The following PLA2G4B variants were observed in gnomAD, a reference collection of about 807,000 sequenced individuals.
The protein encoded by PLA2G4B is phospholipase A2 group IVB.
A neutral mutation model predicts 95.8 loss-of-function variants in PLA2G4B; 122 were observed. The observed-to-expected ratio is 1.27, with a 90% CI of 1.10 to 1.48. The LOEUF is 1.48. Among genes scored for constraint, PLA2G4B ranks in the 40% most tolerant of loss-of-function variants. The pLI is 0.00. For missense variants in PLA2G4B, 1,158 were observed against 996.2 expected, an observed-to-expected ratio of 1.16 and a Z score of -2.19; for synonymous variants, 518 against 421.5, an observed-to-expected ratio of 1.23 and a Z score of -2.80.
intron 4 of PLA2G4B, 55 bp from the exon 5 acceptor site, chr15:41,841,000 G>C: frequency 1.3e-6 from 2 of 1,572,526 alleles, no homozygotes; most frequent in Non-Finnish European, 1.7e-6. Context: ...CATACTCACT[G>C]ACATATGTGC....
At chr15:41,842,698 C>T in intron 10 of PLA2G4B, 107 bp downstream of exon 10, 5 of 1,516,022 alleles carry the variant, frequency 3.3e-6, no homozygotes, top group East Asian at 2.3e-5. Flanking sequence ...CCCTCATCCT[C>T]ATGCTCTCTG....
intron 18 of PLA2G4B, 38 bp from the exon 19 acceptor site, chr15:41,847,299 G>A (rs779642379): frequency 1.3e-6 from 2 of 1,561,856 alleles, no homozygotes; most frequent in South Asian, 1.2e-5. Context: ...GATGCCAGGG[G>A]CCCTGTCCCT....
Position 41,842,237 on chromosome 15 carries a change from C to T in PLA2G4B, c.666C>T (p.Pro222=). The T allele has an allele frequency of 1.2e-6, 2 of 1,614,076 alleles. No homozygotes were observed. The highest frequency in any genetic ancestry group is 1.7e-6 in the Non-Finnish European group (2 of 1,180,018). Residue 222 remains proline (P), a synonymous_variant, in exon 9 of 20, where the codon CCC becomes CCT. Coordinates refer to ENST00000458483, the MANE Select transcript of PLA2G4B (RefSeq NM_001114633.2). ...TAAAGGCGCCACTGAGTGCCCTGCC[C>T]TCTGGTCAAGTGGTGAGGCTTGTCT... ...EQLKAPLSAL[P]SGQVVRLVFP...
rs2065446171 is a variant in PLA2G4B, at chr15:41,842,255, G to C, written c.684G>C (p.Arg228Ser). Reference sequence around the variant, plus strand: ...CCCTGCCCTCTGGTCAAGTGGTGAGGCTTGTCTTCCCCACGTCCCAGGTAC... The same window carrying C: ...CCCTGCCCTCTGGTCAAGTGGTGAGCCTTGTCTTCCCCACGTCCCAGGTAC... ...LSALPSGQVV[R>S]LVFPTSQEPL... is the part of the protein sequence containing the mutation. Residue 228 changes from arginine (R) to serine (S), a missense_variant, in exon 9 of 20, where the codon AGG becomes AGC. Coordinates refer to ENST00000458483, the MANE Select transcript of PLA2G4B (RefSeq NM_001114633.2). The C allele has an allele frequency of 6.2e-7, 1 of 1,613,960 alleles. No homozygotes were observed.
At chr15:41,840,445 T>C in intron 2 of PLA2G4B, 79 bp from the exon 3 acceptor site, 1 of 1,607,740 alleles carries the variant, frequency 6.2e-7, no homozygotes, top group Admixed American at 1.7e-5. Flanking sequence ...CACATGGGGC[T>C]CTAGGTGATG....
In PLA2G4B at chr15:41,841,474, G is replaced by T. The variant is rs199558878; in HGVS notation, c.436-43G>T. 6 of 1,613,520 alleles carry T rather than the reference G, an allele frequency of 3.7e-6. No individual in the cohort carries two copies. In the East Asian group the frequency reaches 1.1e-4, roughly 30 times the overall value. On this transcript the variant is annotated intron_variant, in intron 6 of 19. Coordinates refer to ENST00000458483, the MANE Select transcript of PLA2G4B (RefSeq NM_001114633.2). ...TGCTGCGAGGGTGGGGTCCCTGAAT[G>T]GGGGGTGGGGTTAGTGTCTGAGGGG...
At chr15:41,847,587 G>T (rs116551916) in intron 19 of PLA2G4B, 62 bp from the exon 20 acceptor site, 1 of 1,610,340 alleles carries the variant, frequency 6.2e-7, no homozygotes, top group African/African-American at 1.3e-5. Flanking sequence ...CGTCCCCTGT[G>T]CCTCTCCAAA....
rs151305962 is a variant in PLA2G4B, at chr15:41,841,065, G to A, written c.362G>A (p.Arg121His). 34 of 1,581,672 alleles carry A rather than the reference G, an allele frequency of 2.1e-5. No individual in the cohort carries two copies. The Middle Eastern group carries it at 1.4e-3, about 63-fold the overall frequency. The change falls in exon 5 of 20, where the codon CGC (arginine) becomes CAC (histidine). Residue 121 changes from arginine (R) to histidine (H), a missense_variant. Transcript: ENST00000458483. ...SFSLSPQGEG[R>H]LEVEFRLQSL... ...TGGCTCTCTTCCCAGGGTGAGGGGC[G>A]CCTGGAAGTTGAATTTCGCCTGCAG...
intron 18 of PLA2G4B, 36 bp from the exon 19 acceptor site, chr15:41,847,301 C>G: frequency 6.4e-7 from 1 of 1,563,644 alleles, no homozygotes; most frequent in Admixed American, 1.8e-5. Flanking sequence ...TGCCAGGGGC[C>G]CTGTCCCTCT....
rs547110138 is a variant in PLA2G4B, at chr15:41,847,919, T to G, written c.*59T>G. On this transcript the variant is annotated 3_prime_UTR_variant, in exon 20 of 20. Coordinates refer to ENST00000458483, the MANE Select transcript of PLA2G4B (RefSeq NM_001114633.2). ...CATTCCCTGGCTGCTGAGTTGCAGG[T>G]GGGAACTGTCATCACGCAGTGCTTC... 10 of 1,556,656 alleles carry G rather than the reference T, an allele frequency of 6.4e-6. No individual in the cohort carries two copies. The East Asian group carries it at 2.1e-4, about 33-fold the overall frequency.
At chr15:41,839,980 G>T in intron 1 of PLA2G4B, 178 bp from the exon 2 acceptor site, 1 of 700,116 alleles carries the variant, frequency 1.4e-6, no homozygotes, top group South Asian at 2.1e-5. Context: ...GTAAGTGCTG[G>T]CAGGCGTCAT....
rs2065453232 is a variant in PLA2G4B at position 41,842,552 on chromosome 15, A to C, written c.706-2A>C. On this transcript the variant is annotated splice_acceptor_variant, in intron 9 of 19. Coordinates refer to ENST00000458483, the MANE Select transcript of PLA2G4B (RefSeq NM_001114633.2). LOFTEE classifies it high-confidence loss of function. ...TGTGACTGGGGCCTTCACGGTTTTC[A>C]GGAGCCCCTGATGAGAGTGGAGCTG... The C allele has an allele frequency of 6.2e-7, 1 of 1,611,512 alleles. No individual in the cohort carries two copies. Among genetic ancestry groups the C allele is most frequent in the Non-Finnish European group, 8.5e-7 (1 of 1,179,270 alleles).
At chr15:41,844,353 C>T (rs535725522) in intron 11 of PLA2G4B, 118 bp from the exon 12 acceptor site, 171 of 1,529,498 alleles carry the variant, frequency 1.1e-4, no homozygotes, top group Middle Eastern at 1.7e-4. Flanking sequence ...GGTCCCAAGA[C>T]CTGTGATCAG....
chr15:41,845,490 G>T, intron 14 of PLA2G4B, 148 bp from the exon 15 acceptor site: 1 of 1,461,926 alleles, frequency 6.8e-7, no homozygotes, highest in East Asian at 2.3e-5. Flanking sequence ...GAAGGAGGCA[G>T]GGGCCTTAGG....
Position 41,847,455 on chromosome 15 carries a change from G to GC in PLA2G4B, c.2070dup (p.Gly691ArgfsTer109). 1 of 1,613,194 alleles carries GC rather than the reference G, an allele frequency of 6.2e-7. No individual in the cohort carries two copies. On this transcript the variant is annotated frameshift_variant, in exon 19 of 20. Transcript: ENST00000458483. LOFTEE classifies it high-confidence loss of function. ...TGCCACACCTTCTCCGACCCCACCT[G>GC]CCCCGGAGCCCCTGCGGTGCTGCAC...
At chr15:41,842,368 G>A (rs1210671283) in intron 9 of PLA2G4B, 92 bp downstream of exon 9, 15 of 1,576,184 alleles carry the variant, frequency 9.5e-6, no homozygotes, top group Non-Finnish European at 1.2e-5. Context: ...TTCTCCGTGG[G>A]TCACACCCTG....
rs1379416633 is a variant in PLA2G4B at position 41,845,312 on chromosome 15, A to G, written c.1349A>G (p.Glu450Gly). The G allele has an allele frequency of 1.2e-6, 2 of 1,613,586 alleles. No homozygotes were observed. The highest frequency in any genetic ancestry group is 2.7e-5 in the African/African-American group (2 of 74,854). ...AAAGGGCAGAGCCTGACCACTTTTGAATTTGGGGGTGAGTGGCCCAAGAGC... is the reference window on the plus strand; with the variant it reads ...AAAGGGCAGAGCCTGACCACTTTTGGATTTGGGGGTGAGTGGCCCAAGAGC... ...NTKGQSLTTF[E>G]FGEWCEFSPY... Residue 450 changes from glutamate to glycine, a missense_variant, in exon 14 of 20, where the codon GAA (glutamate) becomes GGA (glycine). By Grantham distance (98) the Glu-to-Gly change is moderately conservative. Coordinates refer to ENST00000458483, the MANE Select transcript of PLA2G4B (RefSeq NM_001114633.2).
At position 41,845,357 on chromosome 15, in the gene PLA2G4B, G is replaced by A. The variant is rs768576740; in HGVS notation, c.1357+37G>A. ...AAGAGCTGAGACCTGTGCCCTTGCA[G>A]TTGGTGGAATAAGGGGAGAACGAGG... On this transcript the variant is annotated intron_variant, in intron 14 of 19. Transcript: ENST00000458483. 5.7e-5 allele frequency: 91 copies of A among 1,604,498 alleles called. No homozygotes were observed. The Admixed American group carries it at 1.5e-3, about 27-fold the overall frequency.
intron 1 of PLA2G4B, 185 bp from the exon 2 acceptor site, chr15:41,839,973 A>C: frequency 1.5e-6 from 1 of 673,442 alleles, no homozygotes; most frequent in Non-Finnish European, 2.4e-6. Context: ...GCATTGTGTA[A>C]GTGCTGGCAG....
Sources: gnomAD v4.1 joint callset for allele counts on GRCh38, gnomAD v4.1.1 for gene constraint, MANE v1.5 for transcripts, NCBI Gene and HGNC (gene_info 2026-07-23, HGNC 2026-07-21) for gene names.